The following TCERG1L variants were observed in gnomAD, a reference collection of about 807,000 sequenced individuals.
The protein encoded by TCERG1L is transcription elongation regulator 1-like protein.
Under a neutral mutation model 56.3 loss-of-function variants are expected in TCERG1L, and 37 were observed. That is an observed-to-expected ratio of 0.66 (90% confidence interval 0.51 to 0.87). TCERG1L has a LOEUF of 0.87. TCERG1L is among the 40% of genes least tolerant of loss of function. The pLI is 0.00. For missense variants in TCERG1L, 799 were observed against 774.2 expected, an observed-to-expected ratio of 1.03 and a Z score of -0.38; for synonymous variants, 324 against 326.3, an observed-to-expected ratio of 0.99 and a Z score of 0.08.
chr10:131,216,862 G>A (rs747149829), intron 4 of TCERG1L, among the ~76,000 whole-genome samples: 4 of 152,166 alleles, frequency 2.6e-5, no homozygotes, highest in Admixed American at 6.5e-5. Context: ...GCTGGGAGAG[G>A]AAGAAGCTAT....
chr10:131,130,857 G>A (rs1005252445), intron 8 of TCERG1L, among the ~76,000 whole-genome samples: 10 of 152,002 alleles, frequency 6.6e-5, no homozygotes, highest in Non-Finnish European at 7.4e-5. Flanking sequence ...GTTCAGTGGC[G>A]GAGTCACTGA....
At chr10:131,193,711 G>A (rs1346973990) in intron 4 of TCERG1L, among the ~76,000 whole-genome samples, 5 of 152,100 alleles carry the variant, frequency 3.3e-5, no homozygotes, top group Non-Finnish European at 7.3e-5. Context: ...GTCTATTTTT[G>A]TACCAGTACC....
Position 131,142,316 on chromosome 10 carries a change from G to A in TCERG1L, c.1189+4190C>T, listed in dbSNP as rs565165497. 8.5e-5 allele frequency among the ~76,000 whole-genome samples: 13 copies of A among 152,162 alleles called. No homozygotes were observed. In the East Asian group the frequency reaches 9.7e-4, roughly 11 times the overall value. The stretch of plus-strand genomic sequence containing the variant: ...GGGCTCTGGCATTTGTGTTTTCAGC[G>A]GCCCTGGGTCCCCCCAAGTGCCCCG... On this transcript the variant is annotated intron_variant, in intron 7 of 11. Transcript: ENST00000368642.
chr10:131,256,893 G>A (rs986197908), intron 4 of TCERG1L, among the ~76,000 whole-genome samples: 3 of 143,018 alleles, frequency 2.1e-5, no homozygotes, highest in Non-Finnish European at 3.0e-5. Context: ...TCAAGAAAAA[G>A]AAAGAGAGAA....
intron 4 of TCERG1L, among the ~76,000 whole-genome samples, chr10:131,231,268 C>G (rs555573441): frequency 6.6e-6 from 1 of 152,312 alleles, no homozygotes; most frequent in African/African-American, 2.4e-5. Flanking sequence ...CTCAGGATGG[C>G]TCCTAAGCTG....
chr10:131,264,103 C>T (rs956266185), intron 3 of TCERG1L, among the ~76,000 whole-genome samples: 1 of 151,092 alleles, frequency 6.6e-6, no homozygotes, highest in African/African-American at 2.4e-5. Flanking sequence ...CCCCTGCACT[C>T]CCCCTCCCCC....
At position 131,123,711 on chromosome 10, in the gene TCERG1L, C is replaced by T. The variant is rs543584378; in HGVS notation, c.1260-6777G>A. ...CTTCTCTGCTTGCCCGGCCAGGGGC[C>T]GCTCTGAGCCTTGGAGTGCAGAGAC... On this transcript the variant is annotated intron_variant, in intron 8 of 11. Coordinates refer to ENST00000368642, the MANE Select transcript of TCERG1L (RefSeq NM_174937.4). Among the ~76,000 whole-genome samples, 11 of 152,140 alleles carry T rather than the reference C, an allele frequency of 7.2e-5. No individual in the cohort carries two copies. In the South Asian group the frequency reaches 1.0e-3, roughly 14 times the overall value.
intron 4 of TCERG1L, among the ~76,000 whole-genome samples, chr10:131,176,249 C>T (rs1319085659): frequency 6.6e-6 from 1 of 150,446 alleles, no homozygotes; most frequent in Non-Finnish European, 1.5e-5. Flanking sequence ...TGCACACACA[C>T]AGAGACGGAT....
At chr10:131,286,784 A>C (rs1392765522) in intron 3 of TCERG1L, among the ~76,000 whole-genome samples, 1 of 152,220 alleles carries the variant, frequency 6.6e-6, no homozygotes, top group African/African-American at 2.4e-5. Flanking sequence ...AATTATCTAT[A>C]AACTATACTC....
At chr10:131,236,813 G>A (rs186163900) in intron 4 of TCERG1L, among the ~76,000 whole-genome samples, 30 of 152,296 alleles carry the variant, frequency 2.0e-4, no homozygotes, top group African/African-American at 6.7e-4. Context: ...GTCCCTAGAA[G>A]TGGGTGAAGA....
intron 4 of TCERG1L, among the ~76,000 whole-genome samples, chr10:131,195,539 C>A (rs1383329627): frequency 2.0e-5 from 3 of 152,220 alleles, no homozygotes; most frequent in Admixed American, 6.5e-5. Context: ...AATCCCCCTC[C>A]CCTGTACCCC....
intron 4 of TCERG1L, among the ~76,000 whole-genome samples, chr10:131,198,552 G>A (rs1845392297): frequency 6.6e-6 from 1 of 152,250 alleles, no homozygotes; most frequent in African/African-American, 2.4e-5. Flanking sequence ...GGAAGCCAGG[G>A]CAAGGCTCCT....
chr10:131,117,254 A>G (rs748262382), intron 8 of TCERG1L, among the ~76,000 whole-genome samples: 127 of 152,306 alleles, frequency 8.3e-4, no homozygotes, highest in Middle Eastern at 3.4e-3. Flanking sequence ...CCCTCACTCC[A>G]GGTCCTCATA....
chr10:131,146,525 G>C lies in TCERG1L; in HGVS notation c.1170C>G (p.Arg390=). 6.2e-7 allele frequency: 1 copy of C among 1,611,300 alleles called. No homozygotes were observed. The highest frequency in any genetic ancestry group is 8.5e-7 in the Non-Finnish European group (1 of 1,178,112). ...AGTTACTTGCTGGTGCCTCCAGCTT[G>C]CGTTTGTGGGGCGGGTCCTCAATGA... The part of the protein sequence containing the change: ...NRIIEDPPHK[R]KLEAPATDNS... Residue 390 remains arginine, a synonymous_variant, in exon 7 of 12, where the codon CGC becomes CGG. Transcript: ENST00000368642.
intron 4 of TCERG1L, among the ~76,000 whole-genome samples, chr10:131,171,293 T>G (rs1470981326): frequency 6.6e-6 from 1 of 152,188 alleles, no homozygotes; most frequent in Non-Finnish European, 1.5e-5. Flanking sequence ...ATTCGCCCTG[T>G]TTCCCTGAAA....
intron 4 of TCERG1L, among the ~76,000 whole-genome samples, chr10:131,171,187 A>AAAAAAAGAAAG (rs111602431): frequency 0.057 from 6,218 of 109,952 alleles, 494 homozygotes; most frequent in African/African-American, 0.15. Flanking sequence ...ACCAAAAAAA[A>AAAAAAAGAAAG]GAAGAAAGAA....
At chr10:131,252,238 T>C (rs189542573) in intron 4 of TCERG1L, among the ~76,000 whole-genome samples, 45 of 152,318 alleles carry the variant, frequency 3.0e-4, no homozygotes, top group African/African-American at 1.0e-3. Context: ...CAGATAGCTG[T>C]TTGAGACCCT....
chr10:131,290,915 A>G (rs530319895), intron 3 of TCERG1L, among the ~76,000 whole-genome samples: 1 of 152,316 alleles, frequency 6.6e-6, no homozygotes, highest in South Asian at 2.1e-4. Flanking sequence ...TGGCTTATTT[A>G]AAGGATCTAA....
chr10:131,106,761 C>T (rs1394642894), intron 9 of TCERG1L, among the ~76,000 whole-genome samples: 1 of 152,152 alleles, frequency 6.6e-6, no homozygotes, highest in African/African-American at 2.4e-5. Context: ...AAACAAAACC[C>T]CATTCACATT....
Sources: gnomAD v4.1 joint callset for allele counts (sites outside exome capture counted in the v4.1 genomes callset) on GRCh38, gnomAD v4.1.1 for gene constraint, MANE v1.5 for transcripts, NCBI Gene and HGNC (gene_info 2026-07-23, HGNC 2026-07-21) for gene names.